The following GABRG3 variants were observed in gnomAD, a reference collection of about 807,000 sequenced individuals.
The protein encoded by GABRG3 is gamma-aminobutyric acid type A receptor subunit gamma3.
Under a neutral mutation model 48.8 loss-of-function variants are expected in GABRG3, and 25 were observed. The observed-to-expected ratio is 0.51, with a 90% CI of 0.37 to 0.72. GABRG3 has a LOEUF of 0.72. Ranked by LOEUF, GABRG3 falls within the 30% of genes least tolerant of loss-of-function variation. The pLI is 0.00. For missense variants in GABRG3, 394 were observed against 577.9 expected (o/e 0.68, Z 3.26); for synonymous variants, 227 against 217.6 (o/e 1.04, Z -0.38).
intron 3 of GABRG3, among the ~76,000 whole-genome samples, chr15:27,087,754 A>G (rs1213547804): frequency 1.3e-5 from 2 of 151,206 alleles, no homozygotes; most frequent in African/African-American, 2.4e-5. Flanking sequence ...GGTGTGCTGT[A>G]GTGTGTGGTG....
At chr15:27,069,320 C>T (rs1235548082) in intron 3 of GABRG3, among the ~76,000 whole-genome samples, 1 of 152,206 alleles carries the variant, frequency 6.6e-6, no homozygotes, top group Non-Finnish European at 1.5e-5. Context: ...GAGCACTGGA[C>T]ATAGAGGCAG....
chr15:27,325,686 G>A (rs1893589874), intron 3 of GABRG3, among the ~76,000 whole-genome samples: 1 of 152,148 alleles, frequency 6.6e-6, no homozygotes, highest in Non-Finnish European at 1.5e-5. Context: ...TGTTGGCACA[G>A]TGCTGGGTCT....
intron 5 of GABRG3, among the ~76,000 whole-genome samples, chr15:27,408,595 G>A (rs1887706624): frequency 6.6e-6 from 1 of 152,268 alleles, no homozygotes; most frequent in South Asian, 2.1e-4. Context: ...AAATGCAGCG[G>A]TAATAGCTGT....
rs576533222 is a variant in GABRG3 at position 27,066,979 on chromosome 15, T to C, written c.270+40158T>C. Among the ~76,000 whole-genome samples the C allele has an allele frequency of 7.9e-5, 12 of 152,302 alleles. No individual in the cohort carries two copies. The South Asian group carries it at 2.5e-3, about 32-fold the overall frequency. ...CAGGACTTTGAGGGGCATGGTGGGA[T>C]AATCTGACTACTAGCTTCTCTCTGG... On this transcript the variant is annotated intron_variant, in intron 3 of 9. Transcript: ENST00000615808.
chr15:27,524,007 A>G lies in GABRG3; in HGVS notation c.866-3426A>G, dbSNP rs557389904. The stretch of plus-strand genomic sequence containing the variant: ...TGGATAAAAAATACTCAAATTTGCC[A>G]AAAGGCATAAATCTAGAGATCCAAG... On this transcript the variant is annotated intron_variant, in intron 7 of 9. Coordinates refer to ENST00000615808, the MANE Select transcript of GABRG3 (RefSeq NM_033223.5). 2.6e-3 allele frequency among the ~76,000 whole-genome samples: 401 copies of G among 152,222 alleles called. 2 individuals are homozygous for G. The highest frequency in any genetic ancestry group is 0.019 in the South Asian group (92 of 4,830).
chr15:27,412,711 C>T (rs570224043), intron 5 of GABRG3, among the ~76,000 whole-genome samples: 19 of 152,280 alleles, frequency 1.2e-4, no homozygotes, highest in Admixed American at 2.6e-4. Context: ...CAAAGCCACC[C>T]TGCAGGGTTT....
chr15:27,275,944 A>C (rs2140476518), intron 3 of GABRG3, among the ~76,000 whole-genome samples: 2 of 152,344 alleles, frequency 1.3e-5, no homozygotes, highest in East Asian at 3.9e-4. Context: ...CCTGTTGGGC[A>C]ATAATGACCT....
chr15:27,033,440 A>G (rs1443435737), intron 3 of GABRG3, among the ~76,000 whole-genome samples: 7 of 152,310 alleles, frequency 4.6e-5, no homozygotes, highest in Middle Eastern at 3.4e-3. Flanking sequence ...CTGGATAGCT[A>G]GCAAGGAAGT....
At chr15:27,104,598 G>C (rs555815621) in intron 3 of GABRG3, among the ~76,000 whole-genome samples, 85 of 152,332 alleles carry the variant, frequency 5.6e-4, no homozygotes, top group African/African-American at 2.0e-3. Context: ...CATGGCTTAG[G>C]TCGCCTGGCC....
chr15:27,054,488 C>T (rs1015677731), intron 3 of GABRG3, among the ~76,000 whole-genome samples: 4 of 152,168 alleles, frequency 2.6e-5, no homozygotes, highest in African/African-American at 9.7e-5. Context: ...CAAAGAATTT[C>T]CTCCAAAACA....
chr15:27,153,061 A>C (rs11858578), intron 3 of GABRG3, among the ~76,000 whole-genome samples: 77,312 of 151,764 alleles, frequency 0.51, 20,044 homozygotes, highest in African/African-American at 0.57. Flanking sequence ...GGGGTTTCAC[A>C]GAGTTAGACC....
chr15:27,241,581 G>A (rs892433317), intron 3 of GABRG3, among the ~76,000 whole-genome samples: 4 of 152,334 alleles, frequency 2.6e-5, no homozygotes, highest in Admixed American at 2.6e-4. Context: ...TGACAGGACT[G>A]TGTTGTCATT....
chr15:27,410,842 G>A (rs540392661), intron 5 of GABRG3, among the ~76,000 whole-genome samples: 3 of 123,520 alleles, frequency 2.4e-5, no homozygotes, highest in South Asian at 3.0e-4. Flanking sequence ...ACGTGCGCAC[G>A]CTCGTGTGTG....
intron 3 of GABRG3, among the ~76,000 whole-genome samples, chr15:27,055,561 G>A (rs182473805): frequency 1.3e-5 from 2 of 152,248 alleles, no homozygotes; most frequent in Non-Finnish European, 2.9e-5. Flanking sequence ...AAACGCTGGC[G>A]CAGAACACAC....
chr15:27,093,792 A>G (rs1379988092), intron 3 of GABRG3, among the ~76,000 whole-genome samples: 1 of 152,116 alleles, frequency 6.6e-6, no homozygotes, highest in Non-Finnish European at 1.5e-5. Context: ...GAAGGTATTG[A>G]CACTATTGCA....
At position 27,537,688 on chromosome 15, in the gene GABRG3, A is replaced by C. The variant is rs1464180281; in HGVS notation, c.*4807A>C. ...TTAATGTCTAATAGTTTTGAAGACT[A>C]GATATTAGGGCATTTTCTTTCCTCC... is the stretch of plus-strand genomic sequence containing the variant. On this transcript the variant is annotated 3_prime_UTR_variant, in exon 10 of 10. Transcript: ENST00000615808. The C allele has an allele frequency of 6.6e-6, 1 of 152,140 alleles. No homozygotes were observed. The highest frequency in any genetic ancestry group is 6.5e-5 in the Admixed American group (1 of 15,270). The allele number at this position is 152,140 out of a possible 1,614,324, so 9.4% of individuals were successfully genotyped here.
At chr15:27,313,282 A>ATATATG (rs1893085410) in intron 3 of GABRG3, among the ~76,000 whole-genome samples, 1 of 94,920 alleles carries the variant, frequency 1.1e-5, no homozygotes, top group East Asian at 4.3e-4. Context: ...ATATATATAT[A>ATATATG]TATATATATA....
intron 6 of GABRG3, 59 bp downstream of exon 6, chr15:27,480,846 G>A (rs758080208): frequency 5.0e-6 from 8 of 1,595,750 alleles, no homozygotes; most frequent in South Asian, 4.5e-5. Flanking sequence ...AAGGCCATAT[G>A]TAGTCATATC....
intron 2 of GABRG3, among the ~76,000 whole-genome samples, chr15:27,004,642 C>T (rs149509614): frequency 0.01 from 1,536 of 152,330 alleles, 33 homozygotes; most frequent in African/African-American, 0.035. Context: ...CGCCACTGCA[C>T]TCCAGCCTGG....
Sources: allele counts gnomAD v4.1 joint callset (sites outside exome capture counted in the v4.1 genomes callset), GRCh38; gene constraint gnomAD v4.1.1; transcripts MANE v1.5; gene names NCBI Gene and HGNC (gene_info 2026-07-23, HGNC 2026-07-21).